HIP1: variants seen among roughly 807,000 people sequenced by gnomAD.
HIP1 encodes the protein huntingtin-interacting protein 1.
In HIP1, 65 loss-of-function variants were observed where a neutral mutation model predicts 147.6. The observed-to-expected ratio is 0.44, with a 90% CI of 0.36 to 0.54. The LOEUF (loss-of-function observed/expected upper bound fraction) is 0.54, where lower values mean the gene tolerates loss of function less well. Among genes scored for constraint, HIP1 ranks in the 20% least tolerant of loss-of-function variants. The pLI is 0.00. For missense variants in HIP1, 1,061 were observed against 1,299.6 expected (o/e 0.82, Z 2.82); for synonymous variants, 479 against 504.0 (o/e 0.95, Z 0.67).
In HIP1 at chr7:75,543,421, A is replaced by G. The variant is rs794380; in HGVS notation, c.2767-447T>C. Among the ~76,000 whole-genome samples the G allele has an allele frequency of 4.8e-3, 737 of 152,162 alleles. 1 individual carries two copies. Among genetic ancestry groups the G allele is most frequent in the East Asian group, 0.025 (129 of 5,166 alleles). ...GGCTGGAGTGCAATGGCATGATCTT[A>G]GCTCACTGCAACCTCCACCTCCCAG... On this transcript the variant is annotated intron_variant, in intron 27 of 30. Transcript: ENST00000336926.
chr7:75,543,043 T>C, intron 27 of HIP1, 69 bp from the exon 28 acceptor site: 1 of 1,508,076 alleles, frequency 6.6e-7, no homozygotes, highest in Non-Finnish European at 9.0e-7. Flanking sequence ...AGATAATTGC[T>C]CTGATGGTTC....
intron 1 of HIP1, among the ~76,000 whole-genome samples, chr7:75,676,090 C>T (rs1054540132): frequency 1.3e-5 from 2 of 152,284 alleles, no homozygotes; most frequent in East Asian, 1.9e-4. Context: ...CTGCTCCCCC[C>T]TCTGTAGGGT....
chr7:75,587,729 C>T (rs963738828), intron 4 of HIP1, among the ~76,000 whole-genome samples: 3 of 151,928 alleles, frequency 2.0e-5, no homozygotes, highest in East Asian at 1.9e-4. Flanking sequence ...TTTGGGAGGC[C>T]GAGGAGGGAG....
Position 75,679,236 on chromosome 7 carries a change from G to A in HIP1, c.120+59565C>T, listed in dbSNP as rs188248571. ...TTGTTTTGTTTTGAGATGAGGTCTC[G>A]CCGTATCACTCAGGCTGGAATTCAG... On this transcript the variant is annotated intron_variant, in intron 1 of 30. Coordinates refer to ENST00000336926, the MANE Select transcript of HIP1 (RefSeq NM_005338.7). 2.1e-3 allele frequency among the ~76,000 whole-genome samples: 319 copies of A among 152,222 alleles called. 1 individual carries two copies. The highest frequency in any genetic ancestry group is 5.8e-3 in the African/African-American group (239 of 41,540).
At chr7:75,677,127 G>A (rs1799919758) in intron 1 of HIP1, among the ~76,000 whole-genome samples, 1 of 151,714 alleles carries the variant, frequency 6.6e-6, no homozygotes, top group African/African-American at 2.4e-5. Flanking sequence ...CCTGGGAGAC[G>A]GAGGTTGCAG....
intron 22 of HIP1, 78 bp downstream of exon 22, chr7:75,553,375 T>C: frequency 6.6e-7 from 1 of 1,519,882 alleles, no homozygotes; most frequent in Non-Finnish European, 9.0e-7. Context: ...GCTCAGAACA[T>C]CACCGATTCC....
intron 1 of HIP1, chr7:75,611,835 GCCAATTACCAGCAGGCAC>G: frequency 9.7e-7 from 1 of 1,028,058 alleles, no homozygotes; most frequent in Non-Finnish European, 1.2e-6. Flanking sequence ...GTTCCGGAGA[GCCAATTACCAGCAGGCAC>G]CGCAGGAAGG....
chr7:75,653,728 T>A (rs754799990), intron 1 of HIP1, among the ~76,000 whole-genome samples: 4 of 151,908 alleles, frequency 2.6e-5, no homozygotes, highest in Non-Finnish European at 2.9e-5. Context: ...GGCGTTGCGG[T>A]GGGTGCCTGT....
At chr7:75,693,984 A>G (rs1800547240) in intron 1 of HIP1, among the ~76,000 whole-genome samples, 2 of 137,058 alleles carry the variant, frequency 1.5e-5, no homozygotes, top group African/African-American at 5.6e-5. Context: ...CAGTGGTGCA[A>G]TCTCAGCTCC....
chr7:75,701,577 T>C (rs782657983), intron 1 of HIP1, among the ~76,000 whole-genome samples: 33 of 152,098 alleles, frequency 2.2e-4, no homozygotes, highest in Non-Finnish European at 3.7e-4. Flanking sequence ...AAGCTGGGCA[T>C]GGTGGAGCAT....
intron 1 of HIP1, among the ~76,000 whole-genome samples, chr7:75,623,409 G>A (rs1254094733): frequency 1.3e-5 from 2 of 152,122 alleles, no homozygotes; most frequent in African/African-American, 2.4e-5. Flanking sequence ...ATTTGCATGC[G>A]CATGAGGAGA....
intron 1 of HIP1, among the ~76,000 whole-genome samples, chr7:75,617,653 G>A (rs1427886380): frequency 6.6e-6 from 1 of 152,206 alleles, no homozygotes; most frequent in Non-Finnish European, 1.5e-5. Flanking sequence ...TGGAATGTAG[G>A]GCACAGGGTA....
chr7:75,541,366 T>C (rs1261337970), intron 29 of HIP1, among the ~76,000 whole-genome samples: 1 of 151,848 alleles, frequency 6.6e-6, no homozygotes, highest in Non-Finnish European at 1.5e-5. Context: ...CTGTCTCTAC[T>C]AAAAATACAA....
rs1554523999 is a variant in HIP1 at position 75,738,930 on chromosome 7, AG to A, written c.-11del. Reference sequence around the variant, plus strand: ...TGGCCATCCGATCCATGTCGCCGCGAGGAGCCGAGTCAGGGGCCCTCGGCTG... The same window carrying A: ...TGGCCATCCGATCCATGTCGCCGCGAGAGCCGAGTCAGGGGCCCTCGGCTG... On this transcript the variant is annotated 5_prime_UTR_variant, in exon 1 of 31. Coordinates refer to ENST00000336926, the MANE Select transcript of HIP1 (RefSeq NM_005338.7). 6.5e-7 allele frequency: 1 copy of A among 1,539,710 alleles called. No homozygotes were observed. The highest frequency in any genetic ancestry group is 2.5e-5 in the East Asian group (1 of 39,706).
At chr7:75,624,298 G>T (rs1272634306) in intron 1 of HIP1, among the ~76,000 whole-genome samples, 1 of 152,176 alleles carries the variant, frequency 6.6e-6, no homozygotes, top group Non-Finnish European at 1.5e-5. Flanking sequence ...AAGAGAGGTT[G>T]TTGCTAATTC....
Position 75,540,703 on chromosome 7 carries a change from T to C in HIP1, c.2952+1216A>G, listed in dbSNP as rs367636144. Among the ~76,000 whole-genome samples the C allele has an allele frequency of 3.3e-5, 5 of 152,208 alleles. No homozygotes were observed. The East Asian group carries it at 9.6e-4, about 29-fold the overall frequency. On this transcript the variant is annotated intron_variant, in intron 29 of 30. Transcript: ENST00000336926. ...CCCCAAGACTGATGACCAGTTATTCTAGAAAAACTATGTCAATTTTTTTTT... is the reference window on the plus strand; with the variant it reads ...CCCCAAGACTGATGACCAGTTATTCCAGAAAAACTATGTCAATTTTTTTTT...
intron 1 of HIP1, among the ~76,000 whole-genome samples, chr7:75,703,520 G>C (rs1221184431): frequency 6.6e-6 from 1 of 151,912 alleles, no homozygotes; most frequent in Non-Finnish European, 1.5e-5. Flanking sequence ...GCACATGCCT[G>C]TAATCCCAGC....
At chr7:75,703,502 G>C (rs1488937037) in intron 1 of HIP1, among the ~76,000 whole-genome samples, 1 of 151,934 alleles carries the variant, frequency 6.6e-6, no homozygotes, top group African/African-American at 2.4e-5. Context: ...AATCAGCTGG[G>C]TGTGGTGGCA....
chr7:75,676,788 A>G (rs1799908917), intron 1 of HIP1, among the ~76,000 whole-genome samples: 1 of 148,766 alleles, frequency 6.7e-6, no homozygotes, highest in South Asian at 2.1e-4. Flanking sequence ...AAGAAAAAAA[A>G]AAAAAGCCCC....
Sources: gnomAD v4.1 joint callset for allele counts (sites outside exome capture counted in the v4.1 genomes callset) on GRCh38, gnomAD v4.1.1 for gene constraint, MANE v1.5 for transcripts, NCBI Gene and HGNC (gene_info 2026-07-23, HGNC 2026-07-21) for gene names.